Variants in LEPROTL1 observed in about 807,000 individuals in gnomAD.
LEPROTL1 encodes the protein leptin receptor overlapping transcript like 1.
A neutral mutation model predicts 15.4 loss-of-function variants in LEPROTL1; 6 were observed. The ratio of observed to expected loss-of-function variants is 0.39; its 90% CI spans 0.21 to 0.77. The LOEUF (loss-of-function observed/expected upper bound fraction) is 0.77, where lower values mean the gene tolerates loss of function less well. LEPROTL1 is among the 30% of genes least tolerant of loss of function. The pLI is 0.41. For missense variants in LEPROTL1, 128 were observed against 158.1 expected (o/e 0.81, Z 1.02); for synonymous variants, 56 against 52.6 (o/e 1.06, Z -0.28).
rs963472409 is a variant in LEPROTL1 at position 30,107,279 on chromosome 8, A to T, written c.*1417A>T. The T allele has an allele frequency of 1.0e-6, 1 of 985,416 alleles. No homozygotes were observed. Among genetic ancestry groups the T allele is most frequent in the Non-Finnish European group, 1.2e-6 (1 of 829,834 alleles). 61.0% of individuals were successfully genotyped at this position (985,416 alleles called of 1,614,324 possible). On this transcript the variant is annotated 3_prime_UTR_variant, in exon 4 of 4. Coordinates refer to ENST00000321250, the MANE Select transcript of LEPROTL1 (RefSeq NM_015344.3). ...CCCAGTAACCAGGCATGATCAATTT[A>T]TAGTGGTCGTTTACATCTAATAATT...
In LEPROTL1 at chr8:30,106,340, C is replaced by T; in HGVS notation, c.*478C>T. ...CAGTCAGTCAGGATGACATCACTCC[C>T]AATGTTATGCAGACATACAGACGGT... On this transcript the variant is annotated 3_prime_UTR_variant, in exon 4 of 4. Coordinates refer to ENST00000321250, the MANE Select transcript of LEPROTL1 (RefSeq NM_015344.3). 1.0e-6 allele frequency: 1 copy of T among 986,514 alleles called. No individual in the cohort carries two copies. 61.1% of individuals were successfully genotyped at this position (986,514 alleles called of 1,614,324 possible).
At chr8:30,137,186 C>T in intron 4 of LEPROTL1, 1 of 1,030,556 alleles carries the variant, frequency 9.7e-7, no homozygotes, top group Non-Finnish European at 1.5e-6. Flanking sequence ...GATCACAAAG[C>T]AATGTTTCCT....
chr8:30,117,247 G>A lies in LEPROTL1; in HGVS notation c.279+12761G>A, dbSNP rs1395285503. 18 of 585,572 alleles carry A rather than the reference G, an allele frequency of 3.1e-5. No homozygotes were observed. In the East Asian group the frequency reaches 5.2e-4, roughly 17 times the overall value. The allele number at this position is 585,572 out of a possible 1,614,324, so 36.3% of individuals were successfully genotyped here. A position where few individuals can be genotyped will look rare whatever the true frequency, so the allele number is the denominator to read the frequency against. Reference sequence around the variant, plus strand: ...TCAGGCCTGTAATCCCAGTGCTTTGGGAGGTGGAGGCAGGAGGATCACTTG... The same window carrying A: ...TCAGGCCTGTAATCCCAGTGCTTTGAGAGGTGGAGGCAGGAGGATCACTTG... On this transcript the variant is annotated intron_variant, in intron 3 of 4. Coordinates refer to the LEPROTL1 transcript ENST00000442880.
chr8:30,132,428 G>A lies in LEPROTL1; in HGVS notation c.333G>A (p.Lys111=), dbSNP rs142593371. The A allele has an allele frequency of 1.9e-6, 3 of 1,551,652 alleles. No individual in the cohort carries two copies. In the African/African-American group the frequency reaches 4.1e-5, roughly 21 times the overall value. Residue 111 remains lysine (K), a synonymous_variant, in exon 4 of 5, where the codon AAG becomes AAA. Coordinates refer to the LEPROTL1 transcript ENST00000442880. ...CCCTCCTCTCCAGGGCTCTGACCAA[G>A]CTCAGGCCCAAAGCCCGCTGCGTGG...
chr8:30,127,451 A>G (rs1394036655), intron 3 of LEPROTL1, among the ~76,000 whole-genome samples: 1 of 152,194 alleles, frequency 6.6e-6, no homozygotes, highest in East Asian at 1.9e-4. Context: ...TACTTGGTCC[A>G]CAGAATTGAG....
chr8:30,123,914 G>T (rs1206807059), intron 3 of LEPROTL1, among the ~76,000 whole-genome samples: 1 of 151,802 alleles, frequency 6.6e-6, no homozygotes, highest in East Asian at 1.9e-4. Context: ...TCTATCCACA[G>T]AGACCTGGGT....
chr8:30,110,749 CA>C (rs1329788825), downstream of LEPROTL1, among the ~76,000 whole-genome samples: 3 of 151,818 alleles, frequency 2.0e-5, no homozygotes, highest in South Asian at 6.2e-4. Context: ...AAAAAAAAAG[CA>C]AATAGAATGT....
At chr8:30,132,349 A>G (rs1490102574) in intron 3 of LEPROTL1, 2 of 1,551,742 alleles carry the variant, frequency 1.3e-6, no homozygotes, top group South Asian at 1.2e-5. Flanking sequence ...TCTTGAGAAC[A>G]CAGATATCCT....
chr8:30,109,181 T>C (rs1802618551), downstream of LEPROTL1, among the ~76,000 whole-genome samples: 1 of 152,254 alleles, frequency 6.6e-6, no homozygotes, highest in South Asian at 2.1e-4. Context: ...GCACCAAAGT[T>C]AACAAGCAAC....
chr8:30,118,104 A>G (rs1291569848), intron 3 of LEPROTL1, among the ~76,000 whole-genome samples: 1 of 142,384 alleles, frequency 7.0e-6, no homozygotes, highest in African/African-American at 2.6e-5. Flanking sequence ...GGCTCACTGC[A>G]ACCTCTGCCT....
intron 4 of LEPROTL1, among the ~76,000 whole-genome samples, chr8:30,136,396 C>A (rs1038328881): frequency 6.6e-6 from 1 of 152,178 alleles, no homozygotes; most frequent in Non-Finnish European, 1.5e-5. Flanking sequence ...AGAACCCAGC[C>A]CTGCTGACGT....
At chr8:30,135,255 T>C (rs1400993037) in intron 4 of LEPROTL1, among the ~76,000 whole-genome samples, 3 of 152,124 alleles carry the variant, frequency 2.0e-5, no homozygotes, top group African/African-American at 7.2e-5. Context: ...GGCAGGATCA[T>C]GTAAATGGGG....
At position 30,095,441 on chromosome 8, in the gene LEPROTL1, G is replaced by A; in HGVS notation, c.-72G>A. 2.8e-6 allele frequency: 4 copies of A among 1,440,568 alleles called. No individual in the cohort carries two copies. In the South Asian group the frequency reaches 5.2e-5, roughly 19 times the overall value. The allele number at this position is 1,440,568 out of a possible 1,614,324, so 89.2% of individuals were successfully genotyped here. A position where few individuals can be genotyped will look rare whatever the true frequency, so the allele number is the denominator to read the frequency against. ...GGGTGTTGTCTGGCCGCCGTAGCGC[G>A]TCTTGGGTCTCCCGGCTGCCGCTGC... On this transcript the variant is annotated 5_prime_UTR_variant, in exon 1 of 4. Coordinates refer to ENST00000321250, the MANE Select transcript of LEPROTL1 (RefSeq NM_015344.3).
chr8:30,112,000 T>G (rs1044004958), downstream of LEPROTL1, among the ~76,000 whole-genome samples: 5 of 152,192 alleles, frequency 3.3e-5, no homozygotes, highest in African/African-American at 4.8e-5. Context: ...TGATGAGTTG[T>G]GTGGAAGACA....
chr8:30,100,878 C>T (rs1802455781), intron 1 of LEPROTL1, among the ~76,000 whole-genome samples: 1 of 148,988 alleles, frequency 6.7e-6, no homozygotes, highest in South Asian at 2.1e-4. Flanking sequence ...TCTGTGTGTG[C>T]GCGCGTAGCT....
chr8:30,131,751 AT>A, intron 3 of LEPROTL1: 1 of 584,284 alleles, frequency 1.7e-6, no homozygotes, highest in Admixed American at 3.5e-5. Context: ...TCCTTTTTGT[AT>A]CCTCAGTACC....
At chr8:30,101,626 C>G (rs1802467362) in intron 1 of LEPROTL1, among the ~76,000 whole-genome samples, 1 of 141,822 alleles carries the variant, frequency 7.1e-6, no homozygotes, top group South Asian at 2.3e-4. Context: ...CGAGATCAAG[C>G]CATTGGACTC....
intron 3 of LEPROTL1, among the ~76,000 whole-genome samples, chr8:30,123,042 C>T (rs1802853269): frequency 6.6e-6 from 1 of 152,164 alleles, no homozygotes; most frequent in South Asian, 2.1e-4. Flanking sequence ...AGATGGTTCA[C>T]TTACATAGCT....
At chr8:30,127,584 G>A (rs566608121) in intron 3 of LEPROTL1, among the ~76,000 whole-genome samples, 1 of 151,434 alleles carries the variant, frequency 6.6e-6, no homozygotes, top group South Asian at 2.1e-4. Flanking sequence ...TGGGAGGATC[G>A]CTTGAGCCCA....
Sources: gnomAD v4.1 joint callset for allele counts (sites outside exome capture counted in the v4.1 genomes callset) on GRCh38, gnomAD v4.1.1 for gene constraint, MANE v1.5 for transcripts, NCBI Gene and HGNC (gene_info 2026-07-23, HGNC 2026-07-21) for gene names.